XRCC4: variants seen among roughly 807,000 people sequenced by gnomAD.
XRCC4 encodes DNA repair protein XRCC4.
In XRCC4, 28 loss-of-function variants were observed where a neutral mutation model predicts 39.1. The observed-to-expected ratio is 0.72, with a 90% CI of 0.53 to 0.98. XRCC4 has a LOEUF of 0.98. XRCC4 is among the 50% of genes least tolerant of loss of function. XRCC4 has a pLI of 0.00. For missense variants in XRCC4, 350 were observed against 376.4 expected (o/e 0.93, Z 0.58); for synonymous variants, 123 against 126.4 (o/e 0.97, Z 0.18).
chr5:83,185,854 A>G (rs992284124), intron 3 of XRCC4, among the ~76,000 whole-genome samples: 2 of 152,184 alleles, frequency 1.3e-5, no homozygotes, highest in Admixed American at 6.5e-5. Flanking sequence ...AAATGAAAAT[A>G]TAGATGAATA....
At chr5:83,304,459 A>G (rs1002650700) in intron 7 of XRCC4, among the ~76,000 whole-genome samples, 7 of 152,190 alleles carry the variant, frequency 4.6e-5, no homozygotes, top group Non-Finnish European at 1.0e-4. Context: ...GCTCTGTGAT[A>G]TTAGAATACA....
At chr5:83,114,116 C>G (rs893089900) in intron 3 of XRCC4, among the ~76,000 whole-genome samples, 1 of 152,056 alleles carries the variant, frequency 6.6e-6, no homozygotes, top group African/African-American at 2.4e-5. Context: ...TGCAGGGAAC[C>G]AAGTCCCTAG....
At chr5:83,182,875 A>C (rs187352746) in intron 3 of XRCC4, among the ~76,000 whole-genome samples, 12 of 152,246 alleles carry the variant, frequency 7.9e-5, no homozygotes, top group Middle Eastern at 3.4e-3. Flanking sequence ...TAGCACCTTG[A>C]TCTTAGACTT....
At chr5:83,253,482 A>G (rs1753406122) in intron 6 of XRCC4, among the ~76,000 whole-genome samples, 1 of 144,992 alleles carries the variant, frequency 6.9e-6, no homozygotes, top group African/African-American at 2.8e-5. Context: ...GCTTCACTAC[A>G]TTGGGGTGTA....
intron 1 of XRCC4, among the ~76,000 whole-genome samples, chr5:83,094,984 A>T (rs1322741592): frequency 6.9e-6 from 1 of 144,460 alleles, no homozygotes; most frequent in East Asian, 2.1e-4. Flanking sequence ...TGATTTCCTG[A>T]GTCTTTGTAA....
At chr5:83,094,978 T>G (rs898639057) in intron 1 of XRCC4, among the ~76,000 whole-genome samples, 4 of 152,000 alleles carry the variant, frequency 2.6e-5, no homozygotes, top group African/African-American at 9.7e-5. Context: ...GTGTCATGAT[T>G]TCCTGAGTCT....
chr5:83,318,532 A>G (rs1446537904), intron 7 of XRCC4, among the ~76,000 whole-genome samples: 1 of 61,402 alleles, frequency 1.6e-5, no homozygotes, highest in Non-Finnish European at 2.6e-5. Context: ...TCAATGTACA[A>G]AAATCACAAG....
At chr5:83,196,036 AGC>A in intron 4 of XRCC4, 100 bp downstream of exon 4, 4 of 1,210,988 alleles carry the variant, frequency 3.3e-6, no homozygotes, top group Non-Finnish European at 4.5e-6. Context: ...TATGTGGATT[AGC>A]ACATATATAT....
chr5:83,112,424 G>A (rs1746486150), intron 3 of XRCC4, among the ~76,000 whole-genome samples: 1 of 152,118 alleles, frequency 6.6e-6, no homozygotes, highest in African/African-American at 2.4e-5. Context: ...GCATTATTTT[G>A]TGCAGCGATT....
chr5:83,333,905 G>T (rs367710319), intron 7 of XRCC4, among the ~76,000 whole-genome samples: 1 of 151,944 alleles, frequency 6.6e-6, no homozygotes. Context: ...AAGTATCGGG[G>T]ATTACAGGTG....
chr5:83,343,178 T>C (rs1389258097), intron 7 of XRCC4, among the ~76,000 whole-genome samples: 4 of 152,028 alleles, frequency 2.6e-5, no homozygotes, highest in African/African-American at 7.2e-5. Context: ...TTGCCCCATA[T>C]CTGAGCTTTA....
intron 7 of XRCC4, among the ~76,000 whole-genome samples, chr5:83,270,511 TC>T (rs1754103982): frequency 6.6e-6 from 1 of 152,126 alleles, no homozygotes; most frequent in African/African-American, 2.4e-5. Flanking sequence ...TGCAGCCTAC[TC>T]CCTTTTTTTC....
chr5:83,362,416 A>G, the XRCC4 span, among the ~76,000 whole-genome samples: 133 of 152,224 alleles, frequency 8.7e-4, 1 homozygote, highest in African/African-American at 3.0e-3. Context: ...AGTGACCACA[A>G]CTGGTTGTCT....
chr5:83,141,132 A>G (rs1442617017), intron 3 of XRCC4, among the ~76,000 whole-genome samples: 1 of 152,232 alleles, frequency 6.6e-6, no homozygotes, highest in African/African-American at 2.4e-5. Flanking sequence ...ATATCAGCTC[A>G]TAAGGAACTT....
chr5:83,244,224 C>T (rs112974902), intron 6 of XRCC4, among the ~76,000 whole-genome samples: 4 of 152,018 alleles, frequency 2.6e-5, no homozygotes, highest in East Asian at 1.9e-4. Flanking sequence ...TGTTCTTTCA[C>T]GTCAGTAATT....
the XRCC4 span, among the ~76,000 whole-genome samples, chr5:83,366,631 G>T: frequency 4.5e-4 from 68 of 152,266 alleles, no homozygotes; most frequent in African/African-American, 1.6e-3. Context: ...ACAAGACTCT[G>T]AGAATAATCC....
intron 6 of XRCC4, among the ~76,000 whole-genome samples, chr5:83,254,866 C>T (rs1753470931): frequency 6.6e-6 from 1 of 152,062 alleles, no homozygotes; most frequent in Non-Finnish European, 1.5e-5. Context: ...GTGGGTAGAT[C>T]ACCTGAGCTC....
At chr5:83,221,865 T>C (rs1752096617) in intron 6 of XRCC4, among the ~76,000 whole-genome samples, 2 of 151,902 alleles carry the variant, frequency 1.3e-5, no homozygotes, top group African/African-American at 2.4e-5. Flanking sequence ...ATTTAGTGGA[T>C]ATAAATTTAG....
intron 1 of XRCC4, among the ~76,000 whole-genome samples, chr5:83,099,019 C>T (rs1745805762): frequency 6.6e-6 from 1 of 151,942 alleles, no homozygotes; most frequent in South Asian, 2.1e-4. Flanking sequence ...AATCTGTGAC[C>T]ACACTTTTGG....
Sources: allele counts gnomAD v4.1 joint callset (sites outside exome capture counted in the v4.1 genomes callset), GRCh38; gene constraint gnomAD v4.1.1; transcripts MANE v1.5; gene names NCBI Gene and HGNC (gene_info 2026-07-23, HGNC 2026-07-21).